DPP10: variants seen among roughly 807,000 people sequenced by gnomAD.
DPP10 encodes the protein inactive dipeptidyl peptidase 10.
Under a neutral mutation model 120.9 loss-of-function variants are expected in DPP10, and 33 were observed. The ratio of observed to expected loss-of-function variants is 0.27; its 90% CI spans 0.21 to 0.37. The LOEUF is 0.37. DPP10 is among the 10% of genes least tolerant of loss of function. The pLI is 1.00. For missense variants in DPP10, 816 were observed against 942.8 expected (o/e 0.87, Z 1.76); for synonymous variants, 337 against 326.1 (o/e 1.03, Z -0.36).
Position 114,834,694 on chromosome 2 carries a change from A to AG in DPP10, c.60+391857dup, listed in dbSNP as rs1274358523. 1.4e-4 allele frequency among the ~76,000 whole-genome samples: 17 copies of AG among 119,272 alleles called. 5 individuals are homozygous for AG. The highest frequency in any genetic ancestry group is 2.0e-4 in the Non-Finnish European group (11 of 54,694). The allele number at this position is 119,272 out of a possible 152,430, so 78.2% of individuals were successfully genotyped here. On this transcript the variant is annotated intron_variant, in intron 1 of 25. Transcript: ENST00000410059. ...ATATCTACACACCTATGTATATATAAGACATATCTACACACCTATGTATAT... is the reference window on the plus strand; with the variant it reads ...ATATCTACACACCTATGTATATATAAGGACATATCTACACACCTATGTATAT...
At chr2:115,552,090 G>A (rs183997876) in intron 5 of DPP10, among the ~76,000 whole-genome samples, 3 of 152,212 alleles carry the variant, frequency 2.0e-5, no homozygotes, top group African/African-American at 7.2e-5. Flanking sequence ...GCAAAGGGTT[G>A]CATTAGTTTT....
chr2:114,523,051 C>G (rs138551920), intron 1 of DPP10, among the ~76,000 whole-genome samples: 108 of 152,294 alleles, frequency 7.1e-4, no homozygotes, highest in African/African-American at 2.5e-3. Flanking sequence ...TCTCTCGAAA[C>G]AGATCCTGAG....
chr2:114,569,834 G>A (rs114091925), intron 1 of DPP10, among the ~76,000 whole-genome samples: 150 of 152,102 alleles, frequency 9.9e-4, no homozygotes, highest in African/African-American at 3.3e-3. Context: ...ACACACACAC[G>A]TGTGCACGCC....
chr2:115,082,414 T>C (rs1368334296), intron 1 of DPP10, among the ~76,000 whole-genome samples: 2 of 152,220 alleles, frequency 1.3e-5, no homozygotes, highest in African/African-American at 2.4e-5. Flanking sequence ...ACTATGGTTA[T>C]GGCATGTAAC....
chr2:115,719,440 A>AAG (rs2092587942), intron 7 of DPP10, among the ~76,000 whole-genome samples: 1 of 152,182 alleles, frequency 6.6e-6, no homozygotes, highest in Admixed American at 6.5e-5. Flanking sequence ...AGGTGACATG[A>AAG]GTGATTTGAA....
intron 1 of DPP10, among the ~76,000 whole-genome samples, chr2:115,012,370 C>T (rs1702328023): frequency 6.6e-6 from 1 of 152,064 alleles, no homozygotes; most frequent in Non-Finnish European, 1.5e-5. Context: ...GGCTGGAGGC[C>T]GACCAACACA....
intron 5 of DPP10, among the ~76,000 whole-genome samples, chr2:115,640,574 C>T (rs1161635164): frequency 6.6e-6 from 1 of 151,660 alleles, no homozygotes; most frequent in Non-Finnish European, 1.5e-5. Flanking sequence ...ATATGGTGAA[C>T]TCATATTGGC....
At chr2:115,146,646 G>C (rs2051241456) in intron 1 of DPP10, among the ~76,000 whole-genome samples, 1 of 151,014 alleles carries the variant, frequency 6.6e-6, no homozygotes, top group South Asian at 2.1e-4. Context: ...TTCTGGTATA[G>C]TCTGATTGTA....
At chr2:114,629,000 A>G (rs926551748) in intron 1 of DPP10, among the ~76,000 whole-genome samples, 1 of 152,124 alleles carries the variant, frequency 6.6e-6, no homozygotes, top group Admixed American at 6.6e-5. Flanking sequence ...TATCTAGAAT[A>G]ATGGCTTAAC....
chr2:114,764,283 C>A (rs35069106), intron 1 of DPP10, among the ~76,000 whole-genome samples: 14 of 111,406 alleles, frequency 1.3e-4, no homozygotes, highest in South Asian at 6.1e-4. Context: ...TCTTAAATTG[C>A]CTTTTTTTTT....
intron 5 of DPP10, among the ~76,000 whole-genome samples, chr2:115,597,538 TAC>T (rs60017460): frequency 0.13 from 19,316 of 150,126 alleles, 1,752 homozygotes; most frequent in African/African-American, 0.26. Context: ...TACATATATA[TAC>T]ACACACATTT....
At chr2:114,839,832 G>A (rs186418338) in intron 1 of DPP10, among the ~76,000 whole-genome samples, 10 of 152,188 alleles carry the variant, frequency 6.6e-5, no homozygotes, top group South Asian at 2.1e-4. Flanking sequence ...TAAAATTCTC[G>A]TTAATCTAAG....
intron 3 of DPP10, among the ~76,000 whole-genome samples, chr2:115,479,120 A>G (rs772461058): frequency 1.3e-5 from 2 of 152,210 alleles, no homozygotes; most frequent in Non-Finnish European, 2.9e-5. Context: ...TCATAGCAGC[A>G]TTATTCACAA....
At chr2:114,649,604 G>A (rs1177294964) in intron 1 of DPP10, among the ~76,000 whole-genome samples, 2 of 151,682 alleles carry the variant, frequency 1.3e-5, no homozygotes, top group Non-Finnish European at 1.5e-5. Context: ...GGCCCGCCTC[G>A]GCCTCCCAAA....
At chr2:115,041,601 A>G (rs1462356086) in intron 1 of DPP10, among the ~76,000 whole-genome samples, 1 of 152,178 alleles carries the variant, frequency 6.6e-6, no homozygotes, top group African/African-American at 2.4e-5. Context: ...CATTTTTCAT[A>G]GTAACAGCAA....
chr2:115,433,454 CAT>C (rs778499027), intron 3 of DPP10, among the ~76,000 whole-genome samples: 72 of 151,944 alleles, frequency 4.7e-4, no homozygotes, highest in African/African-American at 1.4e-3. Flanking sequence ...AATACATGTA[CAT>C]GTGTGTGTGT....
rs111328388 is a variant in DPP10 at position 114,658,451 on chromosome 2, AT to A, written c.60+215617del. 8.2e-3 allele frequency among the ~76,000 whole-genome samples: 1,247 copies of A among 152,302 alleles called. 9 individuals carry two copies. Among genetic ancestry groups the A allele is most frequent in the Middle Eastern group, 0.024 (7 of 294 alleles). ...CAGATGTTAAGTTTTTATTATAGAT[AT>A]TTTGATCTTCAGTTTATTGAAATGG... On this transcript the variant is annotated intron_variant, in intron 1 of 25. Coordinates refer to ENST00000410059, the MANE Select transcript of DPP10 (RefSeq NM_020868.6).
intron 1 of DPP10, among the ~76,000 whole-genome samples, chr2:114,499,864 A>G (rs1340085902): frequency 6.6e-6 from 1 of 152,234 alleles, no homozygotes; most frequent in East Asian, 1.9e-4. Flanking sequence ...GAGGCCCAAC[A>G]TGAACCAATT....
At chr2:115,040,370 A>T (rs139514294) in intron 1 of DPP10, among the ~76,000 whole-genome samples, 1 of 152,264 alleles carries the variant, frequency 6.6e-6, no homozygotes, top group Non-Finnish European at 1.5e-5. Context: ...ACTCATATGT[A>T]CCTTTTTCTA....
Sources: allele counts gnomAD v4.1 joint callset (sites outside exome capture counted in the v4.1 genomes callset), GRCh38; gene constraint gnomAD v4.1.1; transcripts MANE v1.5; gene names NCBI Gene and HGNC (gene_info 2026-07-23, HGNC 2026-07-21).